The following METTL15 variants were observed in gnomAD, a reference collection of about 807,000 sequenced individuals.
METTL15 encodes the protein 12S rRNA N(4)-cytidine methyltransferase METTL15.
A neutral mutation model predicts 38.3 loss-of-function variants in METTL15; 34 were observed. The observed-to-expected ratio is 0.89, with a 90% CI of 0.68 to 1.18. METTL15 has a LOEUF of 1.18. Among genes scored for constraint, METTL15 ranks in the 50% most tolerant of loss-of-function variants. The pLI, the probability that METTL15 is intolerant of heterozygous loss-of-function variation, is 0.00. For synonymous variants in METTL15, 162 were observed against 170.9 expected, an observed-to-expected ratio of 0.95 and a Z score of 0.41; for missense variants, 438 against 498.4, an observed-to-expected ratio of 0.88 and a Z score of 1.15.
chr11:28,132,411 T>C (rs1849368681), intron 3 of METTL15, among the ~76,000 whole-genome samples: 1 of 152,132 alleles, frequency 6.6e-6, no homozygotes. Context: ...AAATTGAATA[T>C]TTCATAAAAT....
At chr11:28,399,262 C>G (rs543289565) in intron 5 of METTL15, among the ~76,000 whole-genome samples, 1 of 152,110 alleles carries the variant, frequency 6.6e-6, no homozygotes, top group Middle Eastern at 3.4e-3. Flanking sequence ...AAAACTGAAA[C>G]TGGACCCCTT....
chr11:28,391,948 G>A (rs563075688), intron 5 of METTL15, among the ~76,000 whole-genome samples: 48 of 152,248 alleles, frequency 3.2e-4, no homozygotes, highest in African/African-American at 1.1e-3. Context: ...GGCAACAAAA[G>A]CCAAAATTGA....
chr11:28,194,255 A>G (rs1438313637), intron 3 of METTL15, among the ~76,000 whole-genome samples: 2 of 147,936 alleles, frequency 1.4e-5, no homozygotes, highest in Non-Finnish European at 3.0e-5. Flanking sequence ...CTGAAGTGCA[A>G]TGGTGCGATC....
In METTL15 at chr11:28,523,065, C is replaced by T. The variant is rs767877307; in HGVS notation, c.*425-3413C>T. 2.5e-4 allele frequency among the ~76,000 whole-genome samples: 38 copies of T among 152,132 alleles called. 1 individual carries two copies. The highest frequency in any genetic ancestry group is 4.6e-4 in the African/African-American group (19 of 41,498). On this transcript the variant is annotated intron_variant and NMD_transcript_variant, in intron 6 of 7. Coordinates refer to the METTL15 transcript ENST00000532947. Reference sequence around the variant, plus strand: ...GGAGTATACTGATTTAGAGGCAAGACGGATTATAAACCAATAGTTGTTTAA... The same window carrying T: ...GGAGTATACTGATTTAGAGGCAAGATGGATTATAAACCAATAGTTGTTTAA...
At chr11:28,420,228 C>T (rs868486660) in intron 5 of METTL15, among the ~76,000 whole-genome samples, 4 of 151,998 alleles carry the variant, frequency 2.6e-5, no homozygotes, top group Non-Finnish European at 4.4e-5. Flanking sequence ...AAACAAATAC[C>T]ATTAGAGCTA....
chr11:28,155,987 A>G (rs1850249488), intron 3 of METTL15, among the ~76,000 whole-genome samples: 2 of 152,322 alleles, frequency 1.3e-5, no homozygotes, highest in South Asian at 4.1e-4. Flanking sequence ...TTTGTGTGGT[A>G]AACGTGACTT....
intron 3 of METTL15, among the ~76,000 whole-genome samples, chr11:28,160,104 G>GC (rs1161734103): frequency 6.6e-6 from 1 of 152,020 alleles, no homozygotes; most frequent in African/African-American, 2.4e-5. Context: ...GACTGGCCTA[G>GC]CCTCCCAGCC....
intron 3 of METTL15, among the ~76,000 whole-genome samples, chr11:28,117,528 A>G (rs1268288081): frequency 2.0e-5 from 3 of 151,798 alleles, no homozygotes; most frequent in Non-Finnish European, 4.4e-5. Context: ...ACCAAGTGGA[A>G]TAAAATTAGA....
At chr11:28,509,468 C>T (rs1851656858) in intron 6 of METTL15, among the ~76,000 whole-genome samples, 1 of 148,934 alleles carries the variant, frequency 6.7e-6, no homozygotes, top group South Asian at 2.2e-4. Context: ...TCTCGTTGCA[C>T]TAAGTCAATC....
At chr11:28,520,584 C>A (rs1315870318) in intron 6 of METTL15, among the ~76,000 whole-genome samples, 1 of 152,086 alleles carries the variant, frequency 6.6e-6, no homozygotes, top group Non-Finnish European at 1.5e-5. Flanking sequence ...CCTGGGAGTT[C>A]TTTTATTCAT....
chr11:28,338,432 G>A (rs995971509), downstream of METTL15, among the ~76,000 whole-genome samples: 49 of 151,964 alleles, frequency 3.2e-4, 1 homozygote, highest in Non-Finnish European at 5.9e-5. Flanking sequence ...TACAAGATTT[G>A]ATCATGTTTA....
intron 4 of METTL15, among the ~76,000 whole-genome samples, chr11:28,221,875 G>T (rs1388176078): frequency 6.6e-6 from 1 of 152,126 alleles, no homozygotes; most frequent in East Asian, 1.9e-4. Flanking sequence ...GCAAATATTG[G>T]TGAACAGCAA....
intron 4 of METTL15, among the ~76,000 whole-genome samples, chr11:28,250,531 TC>T (rs1854695770): frequency 6.6e-6 from 1 of 151,272 alleles, no homozygotes; most frequent in African/African-American, 2.4e-5. Flanking sequence ...AAATGTCTGT[TC>T]ATGTAGATGT....
chr11:28,171,730 A>G (rs1330908600), intron 3 of METTL15, among the ~76,000 whole-genome samples: 3 of 151,798 alleles, frequency 2.0e-5, no homozygotes, highest in East Asian at 1.9e-4. Context: ...GAGTATTTAT[A>G]TATTTTTAAA....
intron 5 of METTL15, among the ~76,000 whole-genome samples, chr11:28,414,275 G>A (rs1269163029): frequency 6.6e-6 from 1 of 151,952 alleles, no homozygotes; most frequent in Non-Finnish European, 1.5e-5. Flanking sequence ...AACATACAGG[G>A]GAAGCAACTT....
intron 6 of METTL15, among the ~76,000 whole-genome samples, chr11:28,504,518 A>G (rs1590397142): frequency 1.3e-5 from 2 of 152,328 alleles, no homozygotes; most frequent in African/African-American, 4.8e-5. Flanking sequence ...AAAATCCAAG[A>G]TTTTTTAAAA....
chr11:28,175,965 A>G (rs952031374), intron 3 of METTL15, among the ~76,000 whole-genome samples: 1 of 152,022 alleles, frequency 6.6e-6, no homozygotes, highest in Non-Finnish European at 1.5e-5. Context: ...AGATGATACT[A>G]TAATCAAAGT....
chr11:28,281,401 C>T (rs1856050651), intron 4 of METTL15, among the ~76,000 whole-genome samples: 1 of 152,170 alleles, frequency 6.6e-6, no homozygotes, highest in Non-Finnish European at 1.5e-5. Flanking sequence ...GTTTCTTCAG[C>T]TCTCAGCATC....
intron 5 of METTL15, among the ~76,000 whole-genome samples, chr11:28,405,708 G>A (rs190682793): frequency 3.2e-4 from 48 of 152,230 alleles, no homozygotes; most frequent in Admixed American, 5.9e-4. Flanking sequence ...TGAAAATCTC[G>A]TGTGATGAAT....
Sources: allele counts gnomAD v4.1 joint callset (sites outside exome capture counted in the v4.1 genomes callset), GRCh38; gene constraint gnomAD v4.1.1; transcripts MANE v1.5; gene names NCBI Gene and HGNC (gene_info 2026-07-23, HGNC 2026-07-21).